Variants in SLC35D2 observed in about 807,000 individuals in gnomAD.
The protein encoded by SLC35D2 is nucleotide sugar transporter SLC35D2.
Under a neutral mutation model 41.8 loss-of-function variants are expected in SLC35D2, and 43 were observed. The ratio of observed to expected loss-of-function variants is 1.03; its 90% CI spans 0.81 to 1.33. The LOEUF (loss-of-function observed/expected upper bound fraction) is 1.33. SLC35D2 is among the 40% of genes most tolerant of loss of function. The pLI is 0.00. For missense variants in SLC35D2, 380 were observed against 408.4 expected (o/e 0.93, Z 0.60); for synonymous variants, 150 against 163.9 (o/e 0.92, Z 0.65).
intron 2 of SLC35D2, among the ~76,000 whole-genome samples, chr9:96,367,718 G>T (rs1294308102): frequency 6.6e-6 from 1 of 151,974 alleles, no homozygotes; most frequent in African/African-American, 2.4e-5. Context: ...GGAGGCACAG[G>T]TGGCAGTGAG....
At chr9:96,325,845 A>T (rs1828501999) in intron 9 of SLC35D2, among the ~76,000 whole-genome samples, 1 of 152,210 alleles carries the variant, frequency 6.6e-6, no homozygotes, top group South Asian at 2.1e-4. Context: ...TCTTGGTCCT[A>T]GGCTCAAATC....
intron 8 of SLC35D2, among the ~76,000 whole-genome samples, chr9:96,340,266 G>A (rs1329321039): frequency 6.6e-6 from 1 of 151,780 alleles, no homozygotes; most frequent in Non-Finnish European, 1.5e-5. Flanking sequence ...CTTTTTTCTT[G>A]CAGATTACAG....
intron 4 of SLC35D2, among the ~76,000 whole-genome samples, chr9:96,358,078 T>TATATATA (rs1491320526): frequency 1.0e-4 from 8 of 79,238 alleles, no homozygotes; most frequent in African/African-American, 4.7e-4. Flanking sequence ...ATATTATATA[T>TATATATA]TTTATATATA....
chr9:96,337,094 C>G (rs575711454), intron 8 of SLC35D2, among the ~76,000 whole-genome samples: 2 of 152,340 alleles, frequency 1.3e-5, no homozygotes, highest in African/African-American at 4.8e-5. Context: ...ACGCTATTAT[C>G]GCTGAGGCTA....
chr9:96,314,729 T>TC (rs1176594792), exon 12 of SLC35D2: 1 of 152,338 alleles, frequency 6.6e-6, no homozygotes, highest in African/African-American at 2.4e-5. Context: ...TGCACATGTA[T>TC]CCCAGAACTT....
intron 2 of SLC35D2, among the ~76,000 whole-genome samples, chr9:96,365,852 G>C (rs924248578): frequency 6.6e-6 from 1 of 152,014 alleles, no homozygotes; most frequent in Non-Finnish European, 1.5e-5. Flanking sequence ...CTCCATTTTA[G>C]GATGTGAAAA....
chr9:96,343,922 G>A lies in SLC35D2; in HGVS notation c.666C>T (p.Ser222=). Residue 222 remains serine (S), a synonymous_variant, in exon 8 of 12, where the codon TCC becomes TCT. Transcript: ENST00000253270. ...AGCTCACCTGTTGCAGGTCTCCAGT[G>A]GAGACACTAATAATAAGAGTTGGGA... ...MIIPTLIISV[S]TGDLQQATEF... The A allele has an allele frequency of 1.9e-6, 3 of 1,583,684 alleles. No homozygotes were observed. The highest frequency in any genetic ancestry group is 2.6e-6 in the Non-Finnish European group (3 of 1,167,446).
intron 4 of SLC35D2, among the ~76,000 whole-genome samples, chr9:96,354,362 G>T (rs1829932733): frequency 6.6e-6 from 1 of 152,144 alleles, no homozygotes; most frequent in East Asian, 1.9e-4. Flanking sequence ...AATCCTAAGG[G>T]ATCCACTTAA....
chr9:96,321,676 T>C (rs527843176), intron 11 of SLC35D2, among the ~76,000 whole-genome samples: 1 of 152,234 alleles, frequency 6.6e-6, no homozygotes, highest in South Asian at 2.1e-4. Flanking sequence ...CCACACCCCC[T>C]GCATGCCGAG....
chr9:96,373,543 C>T (rs1830799977), intron 1 of SLC35D2, among the ~76,000 whole-genome samples: 3 of 151,958 alleles, frequency 2.0e-5, no homozygotes, highest in South Asian at 2.1e-4. Flanking sequence ...AAAAATTAGC[C>T]GGGTGTGGTG....
At chr9:96,344,596 A>C (rs1476753962) in intron 7 of SLC35D2, among the ~76,000 whole-genome samples, 2 of 151,146 alleles carry the variant, frequency 1.3e-5, no homozygotes, top group African/African-American at 2.4e-5. Context: ...CAGATTAAAA[A>C]AAATAGCTCA....
chr9:96,354,744 G>A (rs138796437), intron 4 of SLC35D2, among the ~76,000 whole-genome samples: 178 of 99,788 alleles, frequency 1.8e-3, no homozygotes, highest in Admixed American at 5.2e-3. Context: ...TCTAGCCTGG[G>A]CAACAAAGTG....
At chr9:96,350,239 T>C (rs1303723286) in intron 6 of SLC35D2, among the ~76,000 whole-genome samples, 4 of 151,876 alleles carry the variant, frequency 2.6e-5, no homozygotes, top group African/African-American at 9.7e-5. Context: ...GGTGCAATCA[T>C]TGCTCACTGC....
chr9:96,340,538 T>C (rs1209052566), intron 8 of SLC35D2, among the ~76,000 whole-genome samples: 1 of 143,848 alleles, frequency 7.0e-6, no homozygotes, highest in Non-Finnish European at 1.5e-5. Flanking sequence ...GAGAATCGCT[T>C]GAACCCAGGA....
downstream of SLC35D2, among the ~76,000 whole-genome samples, chr9:96,319,488 T>C (rs190927661): frequency 2.5e-3 from 365 of 145,926 alleles, 1 homozygote; most frequent in Non-Finnish European, 4.7e-3. Context: ...AAGTCTGTTA[T>C]GTATTTTACC....
chr9:96,376,315 T>C (rs1011560861), intron 1 of SLC35D2, among the ~76,000 whole-genome samples: 1 of 112,492 alleles, frequency 8.9e-6, no homozygotes, highest in East Asian at 2.7e-4. Flanking sequence ...AAAAAAAAAA[T>C]ACAAAAACTG....
At chr9:96,339,969 A>C (rs529458128) in intron 8 of SLC35D2, among the ~76,000 whole-genome samples, 3 of 152,372 alleles carry the variant, frequency 2.0e-5, no homozygotes, top group Admixed American at 2.0e-4. Context: ...TGACTCATCA[A>C]GTTTCTTTCC....
chr9:96,322,129 GGGAAAATATAAATAGTAAAA>G, intron 10 of SLC35D2, 49 bp from the exon 11 acceptor site: 1 of 1,189,738 alleles, frequency 8.4e-7, no homozygotes, highest in Admixed American at 1.9e-5. Flanking sequence ...AACTGTTTAG[GGGAAAATATAAATAGTAAAA>G]CCTGAAACTA....
chr9:96,368,925 C>T (rs1459595704), intron 1 of SLC35D2, among the ~76,000 whole-genome samples: 5 of 151,864 alleles, frequency 3.3e-5, no homozygotes, highest in South Asian at 4.1e-4. Context: ...CCACCATGCC[C>T]GGTTAATTTT....
Sources: gnomAD v4.1 joint callset for allele counts (sites outside exome capture counted in the v4.1 genomes callset) on GRCh38, gnomAD v4.1.1 for gene constraint, MANE v1.5 for transcripts, NCBI Gene and HGNC (gene_info 2026-07-23, HGNC 2026-07-21) for gene names.